ANXA3: variants seen among roughly 807,000 people sequenced by gnomAD.
The protein encoded by ANXA3 is annexin A3, also known as 35-alpha calcimedin.
Under a neutral mutation model 48.8 loss-of-function variants are expected in ANXA3, and 46 were observed. The ratio of observed to expected loss-of-function variants is 0.94; its 90% CI spans 0.74 to 1.21. The LOEUF (loss-of-function observed/expected upper bound fraction) is 1.21, where lower values mean the gene tolerates loss of function less well. Among genes scored for constraint, ANXA3 ranks in the 50% most tolerant of loss-of-function variants. ANXA3 has a pLI of 0.00. For missense variants in ANXA3, 383 were observed against 378.6 expected (o/e 1.01, Z -0.10); for synonymous variants, 128 against 134.7 (o/e 0.95, Z 0.35).
In ANXA3 at chr4:78,595,392, T is replaced by C. The variant is rs769201266; in HGVS notation, c.495T>C (p.Asp165=). 3 of 1,613,236 alleles carry C rather than the reference T, an allele frequency of 1.9e-6. No individual in the cohort carries two copies. Among genetic ancestry groups the C allele is most frequent in the Non-Finnish European group, 2.5e-6 (3 of 1,179,760 alleles). ...ALLTLADGRR[D]ESLKVDEHLA... ...GTCCTCCTGTTTAGGGCAGAAGAGA[T>C]GAAAGTCTGAAAGTGGATGAGCATC... The change falls in exon 8 of 13, where the codon GAT becomes GAC. Residue 165 remains aspartate, a synonymous_variant. Coordinates refer to ENST00000264908, the MANE Select transcript of ANXA3 (RefSeq NM_005139.3).
intron 7 of ANXA3, among the ~76,000 whole-genome samples, chr4:78,593,309 TCTC>T (rs1407353526): frequency 6.6e-6 from 1 of 151,840 alleles, no homozygotes; most frequent in Non-Finnish European, 1.5e-5. Flanking sequence ...TTCAAGCAAT[TCTC>T]CTGCCTCAGC....
intron 2 of ANXA3, 187 bp from the exon 3 acceptor site, chr4:78,572,993 A>T: frequency 1.4e-6 from 1 of 703,440 alleles, no homozygotes; most frequent in Admixed American, 1.8e-5. Flanking sequence ...GATGGAGTCA[A>T]CCATGTCAGA....
In ANXA3 at chr4:78,610,175, C is replaced by T. The variant is rs1251795030; in HGVS notation, c.*60C>T. The stretch of plus-strand genomic sequence containing the variant: ...CTTTCCCAACAGCTCCACCTTACTT[C>T]TTCTCATACTATTTAAGAGAACAAG... On this transcript the variant is annotated 3_prime_UTR_variant, in exon 13 of 13. Transcript: ENST00000264908. 4.2e-6 allele frequency: 5 copies of T among 1,202,982 alleles called. No homozygotes were observed. The highest frequency in any genetic ancestry group is 6.0e-6 in the Non-Finnish European group (5 of 827,810). 74.5% of individuals were successfully genotyped at this position (1,202,982 alleles called of 1,614,324 possible). A position where few individuals can be genotyped will look rare whatever the true frequency, so the allele number is the denominator to read the frequency against.
intron 2 of ANXA3, among the ~76,000 whole-genome samples, chr4:78,561,521 G>A (rs1487667568): frequency 6.6e-6 from 1 of 152,054 alleles, no homozygotes; most frequent in African/African-American, 2.4e-5. Context: ...TCCTTGCTTT[G>A]ACACAGACAT....
chr4:78,581,567 A>G (rs953240917), intron 4 of ANXA3, among the ~76,000 whole-genome samples: 1 of 152,230 alleles, frequency 6.6e-6, no homozygotes, highest in African/African-American at 2.4e-5. Context: ...ATTACCATAC[A>G]TTATATGTAT....
At chr4:78,587,756 A>G (rs1173304671) in intron 6 of ANXA3, among the ~76,000 whole-genome samples, 2 of 152,232 alleles carry the variant, frequency 1.3e-5, no homozygotes, top group Admixed American at 6.5e-5. Context: ...TCAGAAAAAC[A>G]GAAACAGCAC....
At chr4:78,607,987 G>T (rs528683282) in intron 12 of ANXA3, among the ~76,000 whole-genome samples, 2 of 152,288 alleles carry the variant, frequency 1.3e-5, no homozygotes, top group Admixed American at 1.3e-4. Flanking sequence ...CTACCTTGGG[G>T]AATATTGAGA....
In ANXA3 at chr4:78,591,531, G is replaced by A. The variant is rs898531275; in HGVS notation, c.404-13G>A. The A allele has an allele frequency of 8.8e-6, 14 of 1,585,048 alleles. No individual in the cohort carries two copies. Among genetic ancestry groups the A allele is most frequent in the Non-Finnish European group, 1.2e-5 (14 of 1,158,352 alleles). ...GTTTGTCAAGGCTTAATTTCATTCT[G>A]ATTTGGTTTCAGTATACAAGAAGAG... On this transcript the variant is annotated splice_polypyrimidine_tract_variant and intron_variant, in intron 6 of 12. Coordinates refer to ENST00000264908, the MANE Select transcript of ANXA3 (RefSeq NM_005139.3).
chr4:78,599,770 A>G (rs1009782137), intron 10 of ANXA3, among the ~76,000 whole-genome samples: 3 of 152,052 alleles, frequency 2.0e-5, no homozygotes, highest in African/African-American at 7.2e-5. Context: ...ACAAAAAAAT[A>G]AAAAATTAGC....
Position 78,601,433 on chromosome 4 carries a change from TA to T in ANXA3, c.731-71del, listed in dbSNP as rs1450957101. ...GGTATGACAGTCCAAAGAATCTTTT[TA>T]AAAAACATATTACTTACTATAGATT... On this transcript the variant is annotated intron_variant, in intron 10 of 12. Coordinates refer to ENST00000264908, the MANE Select transcript of ANXA3 (RefSeq NM_005139.3). The T allele has an allele frequency of 3.6e-6, 5 of 1,397,324 alleles. No individual in the cohort carries two copies. In the African/African-American group the frequency reaches 7.1e-5, roughly 20 times the overall value. The allele number at this position is 1,397,324 out of a possible 1,614,324, so 86.6% of individuals were successfully genotyped here.
intron 5 of ANXA3, among the ~76,000 whole-genome samples, chr4:78,583,558 A>G (rs1234752003): frequency 6.6e-6 from 1 of 151,670 alleles, no homozygotes; most frequent in East Asian, 1.9e-4. Flanking sequence ...CAGCAGGTCT[A>G]GGCTACAATG....
chr4:78,571,896 T>C (rs568927287), intron 2 of ANXA3, among the ~76,000 whole-genome samples: 1 of 152,374 alleles, frequency 6.6e-6, no homozygotes, highest in South Asian at 2.1e-4. Flanking sequence ...AGATCTATGA[T>C]GTCAGTAGAG....
intron 2 of ANXA3, among the ~76,000 whole-genome samples, chr4:78,558,758 G>A (rs1006690366): frequency 6.6e-6 from 1 of 152,160 alleles, no homozygotes; most frequent in Non-Finnish European, 1.5e-5. Context: ...CTTCACCCTT[G>A]ATGAAAGGGC....
chr4:78,608,191 A>G (rs916019035), intron 12 of ANXA3, among the ~76,000 whole-genome samples: 4 of 152,202 alleles, frequency 2.6e-5, no homozygotes, highest in African/African-American at 9.6e-5. Flanking sequence ...AATGTAAAGG[A>G]AAGTGACATT....
Position 78,610,100 on chromosome 4 carries a change from T to C in ANXA3, c.957T>C (p.Cys319=), listed in dbSNP as rs772590143. The change falls in exon 13 of 13, where the codon TGT becomes TGC. Residue 319 remains cysteine (C), a synonymous_variant. Coordinates refer to ENST00000264908, the MANE Select transcript of ANXA3 (RefSeq NM_005139.3). ...ATGAAATCACACTCTTAAAAATCTG[T>C]GGTGGAGATGACTGAACCAAGAAGA... is the stretch of plus-strand genomic sequence containing the variant. ...GDYEITLLKI[C]GGDD 4 of 1,610,704 alleles carry C rather than the reference T, an allele frequency of 2.5e-6. No homozygotes were observed. The African/African-American group carries it at 5.3e-5, about 22-fold the overall frequency.
At chr4:78,594,135 G>C (rs1285014044) in intron 7 of ANXA3, among the ~76,000 whole-genome samples, 1 of 151,484 alleles carries the variant, frequency 6.6e-6, no homozygotes, top group Non-Finnish European at 1.5e-5. Context: ...TCCTATAGTT[G>C]GAATCATACA....
intron 2 of ANXA3, chr4:78,571,116 G>T (rs1437896586): frequency 6.6e-6 from 1 of 151,926 alleles, no homozygotes; most frequent in African/African-American, 2.4e-5. Flanking sequence ...CGCTCAAGTG[G>T]TCCTCCCACC....
chr4:78,554,531 G>A, intron 2 of ANXA3, 43 bp downstream of exon 2: 1 of 1,592,416 alleles, frequency 6.3e-7, no homozygotes, highest in Non-Finnish European at 8.6e-7. Context: ...ACATATATGA[G>A]TCAAACCAAA....
chr4:78,607,388 AC>A (rs11335718), intron 12 of ANXA3, among the ~76,000 whole-genome samples: 10,615 of 152,040 alleles, frequency 0.07, 494 homozygotes, highest in Non-Finnish European at 0.1. Flanking sequence ...TCTTCCTTCC[AC>A]CTATTGTTTA....
Sources: gnomAD v4.1 joint callset for allele counts (sites outside exome capture counted in the v4.1 genomes callset) on GRCh38, gnomAD v4.1.1 for gene constraint, MANE v1.5 for transcripts, NCBI Gene and HGNC (gene_info 2026-07-23, HGNC 2026-07-21) for gene names.